Variants in FRMD4A observed in about 807,000 individuals in gnomAD.
FRMD4A encodes FERM domain-containing protein 4A.
Under a neutral mutation model 129.1 loss-of-function variants are expected in FRMD4A, and 29 were observed. That is an observed-to-expected ratio of 0.22 (90% CI 0.17 to 0.31). FRMD4A has a LOEUF of 0.31. Among genes scored for constraint, FRMD4A ranks in the 10% least tolerant of loss-of-function variants. FRMD4A has a pLI of 1.00. For synonymous variants in FRMD4A, 634 were observed against 571.6 expected, an observed-to-expected ratio of 1.11 and a Z score of -1.56; for missense variants, 1,272 against 1,375.8, an observed-to-expected ratio of 0.92 and a Z score of 1.19.
intron 9 of FRMD4A, among the ~76,000 whole-genome samples, chr10:13,743,308 G>C (rs1429416671): frequency 2.6e-5 from 4 of 152,148 alleles, no homozygotes; most frequent in African/African-American, 9.7e-5. Context: ...TGCGTCAGGA[G>C]GTTCAGCGGC....
At chr10:14,211,335 T>A (rs77215533) in intron 2 of FRMD4A, among the ~76,000 whole-genome samples, 6,775 of 152,244 alleles carry the variant, frequency 0.045, 242 homozygotes, top group Non-Finnish European at 0.066. Context: ...GTGAGGCTGC[T>A]TGCTCAGTGT....
intron 2 of FRMD4A, among the ~76,000 whole-genome samples, chr10:14,076,810 A>G (rs1188942426): frequency 6.6e-6 from 1 of 152,208 alleles, no homozygotes; most frequent in Admixed American, 6.5e-5. Context: ...TTCCACAGAT[A>G]TTCCCTGGCC....
chr10:14,103,931 A>G (rs187613957), intron 2 of FRMD4A, among the ~76,000 whole-genome samples: 65 of 152,356 alleles, frequency 4.3e-4, no homozygotes, highest in Non-Finnish European at 6.9e-4. Context: ...AGCTAAAAGA[A>G]TTACGTACCG....
chr10:13,726,734 G>T (rs566627108), intron 12 of FRMD4A, among the ~76,000 whole-genome samples: 20 of 151,874 alleles, frequency 1.3e-4, no homozygotes, highest in African/African-American at 4.6e-4. Context: ...CCTCCTCAAG[G>T]CTCCAAAGTA....
At chr10:13,849,022 C>G (rs566493342) in intron 3 of FRMD4A, among the ~76,000 whole-genome samples, 1 of 152,316 alleles carries the variant, frequency 6.6e-6, no homozygotes, top group African/African-American at 2.4e-5. Context: ...TCAGCCACCC[C>G]TGGGGGCTGG....
chr10:13,748,708 T>C (rs1313880575), intron 8 of FRMD4A, among the ~76,000 whole-genome samples: 1 of 152,104 alleles, frequency 6.6e-6, no homozygotes, highest in Non-Finnish European at 1.5e-5. Context: ...TGCCAGAATC[T>C]AAAACTTTTT....
At chr10:14,192,006 T>C (rs1404585733) in intron 2 of FRMD4A, among the ~76,000 whole-genome samples, 2 of 152,200 alleles carry the variant, frequency 1.3e-5, no homozygotes, top group Admixed American at 1.3e-4. Context: ...AACCAGGCTT[T>C]AACCTCCACT....
At chr10:14,035,403 C>T (rs991534742) in intron 2 of FRMD4A, among the ~76,000 whole-genome samples, 6 of 147,554 alleles carry the variant, frequency 4.1e-5, no homozygotes, top group South Asian at 4.4e-4. Flanking sequence ...CAAAGCAAGA[C>T]TCCATCTCAA....
Position 13,864,338 on chromosome 10 carries a change from C to CAAAAAAAAAA in FRMD4A, c.46-5436_46-5427dup, listed in dbSNP as rs149602938. 5.2e-5 allele frequency among the ~76,000 whole-genome samples: 6 copies of CAAAAAAAAAA among 114,650 alleles called. 1 individual carries two copies. Among genetic ancestry groups the CAAAAAAAAAA allele is most frequent in the East Asian group, 5.0e-4 (2 of 4,020 alleles). The allele number at this position is 114,650 out of a possible 152,430, so 75.2% of individuals were successfully genotyped here. On this transcript the variant is annotated intron_variant, in intron 2 of 24. Coordinates refer to ENST00000357447, the MANE Select transcript of FRMD4A (RefSeq NM_018027.5). ...TAAAGACAGTGCAAACATCTTGAGT[C>CAAAAAAAAAA]AAAAAAAAAAAAAAAAGAAAAAAAG...
chr10:13,950,602 T>C (rs796168553), intron 2 of FRMD4A, among the ~76,000 whole-genome samples: 2 of 152,306 alleles, frequency 1.3e-5, no homozygotes, highest in East Asian at 3.9e-4. Context: ...CCTGGAGGAA[T>C]CTGCCTTTCC....
intron 2 of FRMD4A, among the ~76,000 whole-genome samples, chr10:14,218,077 G>A (rs544920416): frequency 1.6e-4 from 25 of 152,242 alleles, no homozygotes; most frequent in East Asian, 5.8e-4. Context: ...TGATCCACCC[G>A]CCTGGGCCTC....
At position 14,330,743 on chromosome 10, in the gene FRMD4A, G is replaced by A; in HGVS notation, c.-228C>T. On this transcript the variant is annotated 5_prime_UTR_variant, in exon 1 of 25. Coordinates refer to ENST00000357447, the MANE Select transcript of FRMD4A (RefSeq NM_018027.5). ...CAGCAAATGCCCTTACCATCCCCGA[G>A]GAGGAAGTCACTTAGGAACTGACCC... is the stretch of plus-strand genomic sequence containing the variant. 5.0e-6 allele frequency: 2 copies of A among 398,846 alleles called. No individual in the cohort carries two copies. The highest frequency in any genetic ancestry group is 3.6e-5 in the East Asian group (1 of 28,074). The allele number at this position is 398,846 out of a possible 1,614,324, so 24.7% of individuals were successfully genotyped here. A position where few individuals can be genotyped will look rare whatever the true frequency, so the allele number is the denominator to read the frequency against.
At chr10:13,945,368 T>C (rs1484741365) in intron 2 of FRMD4A, among the ~76,000 whole-genome samples, 3 of 152,138 alleles carry the variant, frequency 2.0e-5, no homozygotes, top group African/African-American at 7.2e-5. Context: ...GAATTTGTAA[T>C]AGGTTTCTTT....
intron 2 of FRMD4A, chr10:13,891,573 T>C: frequency 1.0e-6 from 1 of 982,824 alleles, no homozygotes; most frequent in Non-Finnish European, 1.2e-6. Context: ...GGCGAAGGGC[T>C]GCCGTCAGTC....
At chr10:14,253,098 G>A (rs1844493728) in intron 2 of FRMD4A, among the ~76,000 whole-genome samples, 1 of 152,170 alleles carries the variant, frequency 6.6e-6, no homozygotes, top group South Asian at 2.1e-4. Flanking sequence ...TATTGACCAA[G>A]AAAAGATATA....
chr10:13,737,835 C>G lies in FRMD4A; in HGVS notation c.759+9G>C. 6.6e-7 allele frequency: 1 copy of G among 1,513,662 alleles called. No homozygotes were observed. Among genetic ancestry groups the G allele is most frequent in the Non-Finnish European group, 9.2e-7 (1 of 1,088,886 alleles). The allele number at this position is 1,513,662 out of a possible 1,614,324, so 93.8% of individuals were successfully genotyped here. A position where few individuals can be genotyped will look rare whatever the true frequency, so the allele number is the denominator to read the frequency against. ...GAGGAGTTAAACCCAAGCAGGAGAC[C>G]AGCCTTACCTTTCTTGGCTTCACTT... On this transcript the variant is annotated intron_variant, in intron 12 of 24. Transcript: ENST00000357447.
intron 2 of FRMD4A, among the ~76,000 whole-genome samples, chr10:14,024,823 C>T (rs917296518): frequency 6.6e-5 from 10 of 152,226 alleles, no homozygotes; most frequent in Non-Finnish European, 1.0e-4. Flanking sequence ...ATGGAATAGA[C>T]TGTCTGACTC....
intron 2 of FRMD4A, among the ~76,000 whole-genome samples, chr10:13,905,494 G>C (rs1031527275): frequency 2.0e-5 from 3 of 152,174 alleles, no homozygotes; most frequent in Non-Finnish European, 4.4e-5. Flanking sequence ...CAAATCTTCA[G>C]AGAATGCCCC....
At chr10:14,114,788 T>G (rs1339241282) in intron 2 of FRMD4A, among the ~76,000 whole-genome samples, 1 of 152,064 alleles carries the variant, frequency 6.6e-6, no homozygotes, top group East Asian at 1.9e-4. Context: ...TTTCAGAGAG[T>G]TTCAGAATCC....
Sources: allele counts gnomAD v4.1 joint callset (sites outside exome capture counted in the v4.1 genomes callset), GRCh38; gene constraint gnomAD v4.1.1; transcripts MANE v1.5; gene names NCBI Gene and HGNC (gene_info 2026-07-23, HGNC 2026-07-21).